Variants in PARD3B observed in about 807,000 individuals in gnomAD.
PARD3B encodes partitioning defective 3 homolog B.
Under a neutral mutation model 130.2 loss-of-function variants are expected in PARD3B, and 103 were observed. The observed-to-expected ratio is 0.79, with a 90% CI of 0.67 to 0.93. PARD3B has a LOEUF of 0.93. PARD3B is among the 40% of genes least tolerant of loss of function. The probability of loss-of-function intolerance (pLI) is 0.00; values close to 1 mark genes in which losing one functional copy is unlikely to be tolerated. For synonymous variants in PARD3B, 583 were observed against 553.2 expected (o/e 1.05, Z -0.76); for missense variants, 1,609 against 1,499.2 (o/e 1.07, Z -1.21).
Position 205,301,261 on chromosome 2 carries a change from T to G in PARD3B, c.2393-203T>G, listed in dbSNP as rs1456615312. On this transcript the variant is annotated intron_variant, in intron 17 of 22. Coordinates refer to ENST00000406610, the MANE Select transcript of PARD3B (RefSeq NM_001302769.2). This position sits in a 1 kb window ranked among gnomAD's most constrained non-coding sequence, Gnocchi z 5.2. ...TCATACTACCAGCTAAGCAACCGGT[T>G]GTCCCCACTCCCAGCATCAAGTCTT... Among the ~76,000 whole-genome samples the G allele has an allele frequency of 6.6e-6, 1 of 152,222 alleles. No homozygotes were observed. Among genetic ancestry groups the G allele is most frequent in the Non-Finnish European group, 1.5e-5 (1 of 68,046 alleles).
chr2:205,275,096 T>G (rs2105812793), intron 16 of PARD3B, among the ~76,000 whole-genome samples: 1 of 152,190 alleles, frequency 6.6e-6, no homozygotes, highest in Middle Eastern at 3.4e-3. Context: ...GATTTCAGAC[T>G]GCTTGAGAGG....
intron 21 of PARD3B, among the ~76,000 whole-genome samples, chr2:205,508,423 T>G (rs1435193375): frequency 6.6e-6 from 1 of 151,792 alleles, no homozygotes; most frequent in African/African-American, 2.4e-5. Flanking sequence ...AATACCAAAA[T>G]TATGGGGGTG....
At chr2:205,240,316 T>A (rs2039297137) in intron 15 of PARD3B, among the ~76,000 whole-genome samples, 1 of 152,168 alleles carries the variant, frequency 6.6e-6, no homozygotes, top group South Asian at 2.1e-4. Context: ...GATTACTTGA[T>A]ATTTAGTTTC....
rs371699421 is a variant in PARD3B at position 205,449,429 on chromosome 2, T to C, written c.3044+8757T>C. ...TATTTTTAGTAGAGGCAGGGTTTCA[T>C]CGTGTTGGCCAGGCTGGTCTCGAAC... On this transcript the variant is annotated intron_variant, in intron 20 of 22. Transcript: ENST00000406610. 9.5e-3 allele frequency among the ~76,000 whole-genome samples: 1,443 copies of C among 151,804 alleles called. 18 individuals carry two copies. The highest frequency in any genetic ancestry group is 0.032 in the African/African-American group (1,329 of 41,414).
At position 204,938,606 on chromosome 2, in the gene PARD3B, T is replaced by TGGTTG. The variant is rs1299051791; in HGVS notation, c.223-26546_223-26545insGGTTG. Reference sequence around the variant, plus strand: ...TTTATCTCATACTTTTCTTATTCACTAGACTAGGGCTTCTCAACCATGGAA... The same window carrying TGGTTG: ...TTTATCTCATACTTTTCTTATTCACTGGTTGAGACTAGGGCTTCTCAACCATGGAA... On this transcript the variant is annotated intron_variant, in intron 2 of 22. Transcript: ENST00000406610. Among the ~76,000 whole-genome samples the TGGTTG allele has an allele frequency of 5.9e-5, 9 of 152,360 alleles. No individual in the cohort carries two copies. The East Asian group carries it at 9.6e-4, about 16-fold the overall frequency.
At chr2:204,886,655 A>C (rs190635928) in intron 2 of PARD3B, among the ~76,000 whole-genome samples, 3 of 152,154 alleles carry the variant, frequency 2.0e-5, no homozygotes, top group Non-Finnish European at 2.9e-5. Context: ...AATATTTGAG[A>C]TCGATGTCTG....
intron 3 of PARD3B, among the ~76,000 whole-genome samples, chr2:205,045,688 G>T (rs2125407778): frequency 6.6e-6 from 1 of 151,886 alleles, no homozygotes; most frequent in South Asian, 2.1e-4. Context: ...CTTTTTTAAA[G>T]AAAATGTATT....
chr2:205,086,121 G>C (rs187292330), intron 4 of PARD3B, among the ~76,000 whole-genome samples: 1 of 152,200 alleles, frequency 6.6e-6, no homozygotes, highest in Non-Finnish European at 1.5e-5. Context: ...ACTCAGTATA[G>C]TTTCCAGCCT....
intron 3 of PARD3B, among the ~76,000 whole-genome samples, chr2:205,010,829 G>C (rs991713227): frequency 6.6e-6 from 1 of 152,050 alleles, no homozygotes; most frequent in Non-Finnish European, 1.5e-5. Flanking sequence ...TATATTTTCA[G>C]TGTGGTTATA....
chr2:204,742,418 G>A (rs1157292584), intron 2 of PARD3B, among the ~76,000 whole-genome samples: 1 of 152,114 alleles, frequency 6.6e-6, no homozygotes, highest in East Asian at 1.9e-4. Context: ...GCTGGAGATC[G>A]ATGGGCAAGA....
In PARD3B at chr2:205,256,932, A is replaced by G. The variant is rs886154922; in HGVS notation, c.2185+11110A>G. 5.3e-5 allele frequency among the ~76,000 whole-genome samples: 8 copies of G among 152,316 alleles called. No individual in the cohort carries two copies. In the East Asian group the frequency reaches 1.5e-3, roughly 29 times the overall value. On this transcript the variant is annotated intron_variant, in intron 16 of 22. Coordinates refer to ENST00000406610, the MANE Select transcript of PARD3B (RefSeq NM_001302769.2). ...TGGGTTGCTGGAAAAGAAAAAAGCCATAAGGAAAATCATAATTAGGGAATA... is the reference window on the plus strand; with the variant it reads ...TGGGTTGCTGGAAAAGAAAAAAGCCGTAAGGAAAATCATAATTAGGGAATA...
chr2:205,544,374 C>T (rs1214735555), intron 21 of PARD3B, among the ~76,000 whole-genome samples: 1 of 151,824 alleles, frequency 6.6e-6, no homozygotes, highest in Non-Finnish European at 1.5e-5. Flanking sequence ...GGAATGATGT[C>T]TGGCTCTTTA....
intron 20 of PARD3B, among the ~76,000 whole-genome samples, chr2:205,497,615 C>A (rs2049983320): frequency 6.6e-6 from 1 of 151,982 alleles, no homozygotes; most frequent in African/African-American, 2.4e-5. Flanking sequence ...CTCTACCTAC[C>A]TTTCCAAGCC....
intron 2 of PARD3B, among the ~76,000 whole-genome samples, chr2:204,913,162 G>A (rs953248691): frequency 6.6e-6 from 1 of 152,196 alleles, no homozygotes; most frequent in Admixed American, 6.5e-5. Flanking sequence ...ATTGTAGAAA[G>A]GTGGTAGTTT....
At chr2:205,089,484 G>T (rs1575750574) in intron 4 of PARD3B, among the ~76,000 whole-genome samples, 2 of 152,094 alleles carry the variant, frequency 1.3e-5, no homozygotes, top group Non-Finnish European at 2.9e-5. Flanking sequence ...TAAAATATGT[G>T]CCACCTTGAT....
chr2:204,640,019 C>T (rs566315030), intron 1 of PARD3B, among the ~76,000 whole-genome samples: 4 of 152,012 alleles, frequency 2.6e-5, no homozygotes, highest in East Asian at 3.9e-4. Context: ...TTTGGGAGGC[C>T]GAGGTGGGTA....
intron 2 of PARD3B, among the ~76,000 whole-genome samples, chr2:204,773,308 G>A (rs1366371346): frequency 6.6e-6 from 1 of 151,538 alleles, no homozygotes; most frequent in African/African-American, 2.4e-5. Flanking sequence ...ACTTTGCTTA[G>A]AATTTTACAG....
At chr2:205,456,629 C>G (rs1027865507) in intron 20 of PARD3B, among the ~76,000 whole-genome samples, 1 of 151,718 alleles carries the variant, frequency 6.6e-6, no homozygotes, top group Non-Finnish European at 1.5e-5. Context: ...GCTTTTTCCA[C>G]TTCAGTTCAT....
In PARD3B at chr2:205,133,286, C is replaced by T. The variant is rs113066463; in HGVS notation, c.1434+7549C>T. Among the ~76,000 whole-genome samples, 516 of 152,246 alleles carry T rather than the reference C, an allele frequency of 3.4e-3. 1 individual carries two copies. The highest frequency in any genetic ancestry group is 0.01 in the African/African-American group (421 of 41,542). ...ATTTGAAATGTTAGCGGTATTTTTA[C>T]AGTATCGTGTTAAAGTATTTTAAAT... On this transcript the variant is annotated intron_variant, in intron 10 of 22. Coordinates refer to ENST00000406610, the MANE Select transcript of PARD3B (RefSeq NM_001302769.2).
Sources: allele counts gnomAD v4.1 joint callset (sites outside exome capture counted in the v4.1 genomes callset), GRCh38; gene constraint gnomAD v4.1.1; non-coding constraint Gnocchi (gnomAD v3.1); transcripts MANE v1.5; gene names NCBI Gene and HGNC (gene_info 2026-07-23, HGNC 2026-07-21).